The following INSL6 variants were observed in gnomAD, a reference collection of about 807,000 sequenced individuals.
INSL6 encodes the protein insulin-like peptide INSL6.
INSL6 carries 16 observed loss-of-function variants against 9.4 expected under a neutral mutation model. That is an observed-to-expected ratio of 1.70 (90% CI 1.15 to 2.59). The LOEUF is 2.59. Ranked by LOEUF, INSL6 falls within the 30% of genes most tolerant of loss-of-function variation. The pLI is 0.00. For missense variants in INSL6, 391 were observed against 257.3 expected (o/e 1.52, Z -3.56); for synonymous variants, 154 against 96.9 (o/e 1.59, Z -3.46).
the INSL6 span, among the ~76,000 whole-genome samples, chr9:5,027,372 A>G: frequency 6.6e-6 from 1 of 152,326 alleles, no homozygotes; most frequent in Admixed American, 6.5e-5. Flanking sequence ...AAAAAAGTAC[A>G]TACCTTAATT....
the INSL6 span, chr9:5,109,882 T>C: frequency 2.0e-5 from 3 of 152,208 alleles, no homozygotes; most frequent in Non-Finnish European, 4.4e-5. Context: ...CTCTTTCAAC[T>C]CTTTATCGGA....
At chr9:4,995,225 G>C in the INSL6 span, among the ~76,000 whole-genome samples, 2 of 152,110 alleles carry the variant, frequency 1.3e-5, no homozygotes, top group African/African-American at 4.8e-5. Context: ...TGGATTTGTG[G>C]TCCTTTTACT....
At chr9:5,121,128 A>G (rs942711021), downstream of INSL6, among the ~76,000 whole-genome samples, 1 of 152,196 alleles carries the variant, frequency 6.6e-6, no homozygotes, top group Admixed American at 6.5e-5. Flanking sequence ...AGTGTTGGGA[A>G]AGTATAATTG....
chr9:5,029,529 G>A, the INSL6 span, among the ~76,000 whole-genome samples: 5 of 152,040 alleles, frequency 3.3e-5, no homozygotes, highest in Admixed American at 2.6e-4. Context: ...TCCTTATTTT[G>A]TAAAGAAAAA....
chr9:5,083,410 C>A, the INSL6 span, among the ~76,000 whole-genome samples: 1 of 152,264 alleles, frequency 6.6e-6, no homozygotes, highest in South Asian at 2.1e-4. Flanking sequence ...TAGTAAGTAC[C>A]ATGTTAGTGT....
chr9:5,036,096 C>G, the INSL6 span, among the ~76,000 whole-genome samples: 4 of 152,172 alleles, frequency 2.6e-5, no homozygotes, highest in Admixed American at 2.0e-4. Flanking sequence ...AACAGACAAA[C>G]AGAGAGCCAA....
At chr9:5,068,166 AAC>A in the INSL6 span, among the ~76,000 whole-genome samples, 1 of 90,532 alleles carries the variant, frequency 1.1e-5, no homozygotes. Flanking sequence ...CTCAAAAAAA[AAC>A]AACAACAAAA....
the INSL6 span, among the ~76,000 whole-genome samples, chr9:5,042,990 G>T: frequency 6.6e-6 from 1 of 152,242 alleles, no homozygotes; most frequent in African/African-American, 2.4e-5. Context: ...AGCTGAGGGG[G>T]GTGGGCCGGC....
At chr9:5,165,396 C>T (rs1017551430) in intron 1 of INSL6, among the ~76,000 whole-genome samples, 65 of 152,238 alleles carry the variant, frequency 4.3e-4, no homozygotes, top group South Asian at 2.5e-3. Flanking sequence ...ATCCCAGCAT[C>T]GGTACAGTAG....
chr9:4,992,714 C>G, the INSL6 span, among the ~76,000 whole-genome samples: 1 of 152,092 alleles, frequency 6.6e-6, no homozygotes, highest in Non-Finnish European at 1.5e-5. Flanking sequence ...ACTGAGGACC[C>G]ATGAAGAGAC....
At chr9:5,119,560 T>C (rs1165492832), downstream of INSL6, among the ~76,000 whole-genome samples, 2 of 152,172 alleles carry the variant, frequency 1.3e-5, no homozygotes, top group Non-Finnish European at 2.9e-5. Flanking sequence ...TTTCATATTA[T>C]GAAAATAAGA....
the INSL6 span, among the ~76,000 whole-genome samples, chr9:5,043,191 G>A: frequency 6.6e-6 from 1 of 152,212 alleles, no homozygotes; most frequent in Non-Finnish European, 1.5e-5. Context: ...ACTCCCAGCG[G>A]GTCAGCTTGA....
the INSL6 span, among the ~76,000 whole-genome samples, chr9:5,046,137 A>G: frequency 6.6e-6 from 1 of 152,196 alleles, no homozygotes; most frequent in Non-Finnish European, 1.5e-5. Context: ...AGTGATCATG[A>G]GCATCTTTTC....
chr9:5,003,710 T>TA, the INSL6 span, among the ~76,000 whole-genome samples: 1 of 152,092 alleles, frequency 6.6e-6, no homozygotes, highest in Non-Finnish European at 1.5e-5. Context: ...TTTCTTGCCT[T>TA]ATTGCACTAG....
chr9:5,153,563 T>C (rs1824756365), intron 2 of INSL6, among the ~76,000 whole-genome samples: 1 of 152,208 alleles, frequency 6.6e-6, no homozygotes, highest in South Asian at 2.1e-4. Flanking sequence ...GACATGATTG[T>C]ATATTTAGAA....
At chr9:5,116,857 T>G in the INSL6 span, among the ~76,000 whole-genome samples, 1 of 152,200 alleles carries the variant, frequency 6.6e-6, no homozygotes, top group Admixed American at 6.5e-5. Flanking sequence ...TATGGCACTT[T>G]CAATAATTAA....
At chr9:5,126,587 T>C in intron 3 of INSL6, 1 of 947,380 alleles carries the variant, frequency 1.1e-6, no homozygotes, top group Non-Finnish European at 1.6e-6. Flanking sequence ...CAAGGCATGG[T>C]TATGACATGT....
At chr9:5,182,310 T>C (rs997866604) in intron 1 of INSL6, among the ~76,000 whole-genome samples, 1 of 151,712 alleles carries the variant, frequency 6.6e-6, no homozygotes, top group Non-Finnish European at 1.5e-5. Flanking sequence ...TTAAAACATA[T>C]GAACAGGAAA....
downstream of INSL6, among the ~76,000 whole-genome samples, chr9:5,161,946 G>T (rs913069028): frequency 3.3e-5 from 5 of 151,782 alleles, no homozygotes; most frequent in African/African-American, 9.7e-5. Context: ...TAGCCAGGTG[G>T]TATGAACCTG....
Sources: gnomAD v4.1 joint callset for allele counts (sites outside exome capture counted in the v4.1 genomes callset) on GRCh38, gnomAD v4.1.1 for gene constraint, MANE v1.5 for transcripts, NCBI Gene and HGNC (gene_info 2026-07-23, HGNC 2026-07-21) for gene names.